The following GMDS variants were observed in gnomAD, a reference collection of about 807,000 sequenced individuals.
The protein encoded by GMDS is GDP-mannose 4,6-dehydratase.
GMDS carries 20 observed loss-of-function variants against 49.9 expected under a neutral mutation model. That is an observed-to-expected ratio of 0.40 (90% CI 0.28 to 0.58). GMDS has a LOEUF of 0.58. Ranked by LOEUF, GMDS falls within the 20% of genes least tolerant of loss-of-function variation. The probability of loss-of-function intolerance (pLI) is 0.42; values close to 1 mark genes in which losing one functional copy is unlikely to be tolerated. For synonymous variants in GMDS, 177 were observed against 178.6 expected (o/e 0.99, Z 0.07); for missense variants, 362 against 481.4 (o/e 0.75, Z 2.32).
In GMDS at chr6:2,156,550, G is replaced by C. The variant is rs563805295; in HGVS notation, c.103-31819C>G. On this transcript the variant is annotated intron_variant, in intron 1 of 10. Coordinates refer to ENST00000380815, the MANE Select transcript of GMDS (RefSeq NM_001500.4). Reference sequence around the variant, plus strand: ...CTGTTTTTTTACAAATATAGTCTTAGAACATTTCTTTGATAACTATTAAAA... The same window carrying C: ...CTGTTTTTTTACAAATATAGTCTTACAACATTTCTTTGATAACTATTAAAA... Among the ~76,000 whole-genome samples, 21 of 152,186 alleles carry C rather than the reference G, an allele frequency of 1.4e-4. No homozygotes were observed. In the East Asian group the frequency reaches 3.7e-3, roughly 27 times the overall value.
At chr6:2,222,079 C>A (rs1481207612) in intron 1 of GMDS, among the ~76,000 whole-genome samples, 1 of 152,232 alleles carries the variant, frequency 6.6e-6, no homozygotes, top group Non-Finnish European at 1.5e-5. Flanking sequence ...GGCTCCCCTG[C>A]ATGGAGGTGA....
At chr6:2,042,358 G>C (rs1769735461) in intron 4 of GMDS, among the ~76,000 whole-genome samples, 1 of 152,102 alleles carries the variant, frequency 6.6e-6, no homozygotes, top group Non-Finnish European at 1.5e-5. Context: ...CCCATCAGCA[G>C]GTCTCCTCTG....
intron 2 of GMDS, among the ~76,000 whole-genome samples, chr6:2,121,651 C>G (rs1240158542): frequency 6.6e-6 from 1 of 152,206 alleles, no homozygotes; most frequent in African/African-American, 2.4e-5. Context: ...TCTGTTAGTA[C>G]ACGCTATTGC....
At chr6:2,185,462 C>T (rs1778737854) in intron 1 of GMDS, among the ~76,000 whole-genome samples, 1 of 152,194 alleles carries the variant, frequency 6.6e-6, no homozygotes, top group African/African-American at 2.4e-5. Context: ...AATTGGTACA[C>T]ATTGAGATAC....
chr6:1,943,066 G>A lies in GMDS; in HGVS notation c.644-12836C>T, dbSNP rs931975847. Among the ~76,000 whole-genome samples, 12 of 152,228 alleles carry A rather than the reference G, an allele frequency of 7.9e-5. No individual in the cohort carries two copies. The South Asian group carries it at 8.3e-4, about 11-fold the overall frequency. On this transcript the variant is annotated intron_variant, in intron 6 of 10. Coordinates refer to ENST00000380815, the MANE Select transcript of GMDS (RefSeq NM_001500.4). ...AATGGCTATAAACTGCCTATGGGCCGGAAGCTCCTGTGTGCCCTGTCACCG... is the reference window on the plus strand; with the variant it reads ...AATGGCTATAAACTGCCTATGGGCCAGAAGCTCCTGTGTGCCCTGTCACCG...
intron 4 of GMDS, among the ~76,000 whole-genome samples, chr6:2,080,760 G>GT (rs1323242162): frequency 6.6e-6 from 1 of 152,164 alleles, no homozygotes; most frequent in African/African-American, 2.4e-5. Context: ...TGGCACTGGT[G>GT]TTACAGGTCC....
In GMDS at chr6:1,674,623, G is replaced by A. The variant is rs141136326; in HGVS notation, c.988-50083C>T. ...TCTATCGCCCAGGCTGGAGCGCAGT[G>A]ATGCATTCACACGGCTCATTGCAGC... On this transcript the variant is annotated intron_variant, in intron 9 of 10. Transcript: ENST00000380815. Among the ~76,000 whole-genome samples the A allele has an allele frequency of 7.9e-4, 105 of 132,090 alleles. 1 individual carries two copies. Among genetic ancestry groups the A allele is most frequent in the African/African-American group, 2.9e-3 (102 of 35,668 alleles). The allele number at this position is 132,090 out of a possible 152,430, so 86.7% of individuals were successfully genotyped here. A position where few individuals can be genotyped will look rare whatever the true frequency, so the allele number is the denominator to read the frequency against.
chr6:1,969,261 C>CAAAAA (rs761741871), intron 4 of GMDS, among the ~76,000 whole-genome samples: 27 of 14,028 alleles, frequency 1.9e-3, no homozygotes, highest in Non-Finnish European at 3.6e-3. Flanking sequence ...GGCTCCATCT[C>CAAAAA]AAAAAAAAAA....
intron 6 of GMDS, among the ~76,000 whole-genome samples, chr6:1,933,209 T>C (rs1329088855): frequency 6.6e-6 from 1 of 152,258 alleles, no homozygotes; most frequent in Non-Finnish European, 1.5e-5. Context: ...CTTGAATCAG[T>C]ACATTGTTCC....
At chr6:2,080,058 C>T (rs886205759) in intron 4 of GMDS, among the ~76,000 whole-genome samples, 2 of 152,044 alleles carry the variant, frequency 1.3e-5, no homozygotes, top group African/African-American at 4.8e-5. Flanking sequence ...TGTCTTCTGT[C>T]TTTGAGTTGT....
intron 9 of GMDS, among the ~76,000 whole-genome samples, chr6:1,710,580 AC>A (rs1765916167): frequency 6.6e-6 from 1 of 151,824 alleles, no homozygotes; most frequent in African/African-American, 2.4e-5. Context: ...CATGGCAGAT[AC>A]ACTTTTGAGG....
chr6:2,101,817 T>A (rs939015191), intron 4 of GMDS, among the ~76,000 whole-genome samples: 6 of 152,092 alleles, frequency 3.9e-5, no homozygotes, highest in African/African-American at 1.4e-4. Context: ...CATGCAATCA[T>A]CTATCAATTT....
intron 6 of GMDS, among the ~76,000 whole-genome samples, chr6:1,936,778 C>A (rs1762567599): frequency 6.6e-6 from 1 of 152,034 alleles, no homozygotes; most frequent in Non-Finnish European, 1.5e-5. Context: ...ACCAGCCTGG[C>A]CAACGTGGTA....
At chr6:1,856,879 T>C (rs1395205664) in intron 7 of GMDS, among the ~76,000 whole-genome samples, 3 of 152,256 alleles carry the variant, frequency 2.0e-5, no homozygotes. Context: ...TCAACTCTCA[T>C]GTGCCACTGA....
intron 1 of GMDS, among the ~76,000 whole-genome samples, chr6:2,170,758 G>A (rs1366269991): frequency 3.3e-5 from 5 of 152,198 alleles, no homozygotes; most frequent in South Asian, 2.1e-4. Context: ...CACTTTGGGA[G>A]GCCGAGGCGG....
chr6:1,685,480 A>G (rs1457719979), intron 9 of GMDS, among the ~76,000 whole-genome samples: 2 of 152,200 alleles, frequency 1.3e-5, no homozygotes, highest in Non-Finnish European at 2.9e-5. Flanking sequence ...CGACTTTAGT[A>G]AGGGTTTTTT....
chr6:1,953,037 G>A (rs926594445), intron 6 of GMDS, among the ~76,000 whole-genome samples: 6 of 152,120 alleles, frequency 3.9e-5, no homozygotes, highest in Non-Finnish European at 7.4e-5. Context: ...CCTAATGATC[G>A]AAAGACTAAA....
At chr6:1,720,540 T>C (rs555706455) in intron 9 of GMDS, among the ~76,000 whole-genome samples, 16 of 152,072 alleles carry the variant, frequency 1.1e-4, no homozygotes, top group Non-Finnish European at 2.2e-4. Flanking sequence ...CAGAGAATAA[T>C]TACAAAAGAG....
intron 4 of GMDS, among the ~76,000 whole-genome samples, chr6:2,052,121 AAAAAAAAAAG>A (rs1471161577): frequency 0.017 from 2,496 of 146,126 alleles, 92 homozygotes; most frequent in African/African-American, 0.052. Context: ...TGTCTCAAAA[AAAAAAAAAAG>A]AAAAAAAAAA....
Sources: allele counts gnomAD v4.1 joint callset (sites outside exome capture counted in the v4.1 genomes callset), GRCh38; gene constraint gnomAD v4.1.1; transcripts MANE v1.5; gene names NCBI Gene and HGNC (gene_info 2026-07-23, HGNC 2026-07-21).